Variants in MGMT observed in about 807,000 individuals in gnomAD.
The protein encoded by MGMT is O-6-methylguanine-DNA methyltransferase, also known as methylated-DNA--protein-cysteine methyltransferase.
In MGMT, 14 loss-of-function variants were observed where a neutral mutation model predicts 15.9. The observed-to-expected ratio is 0.88, with a 90% CI of 0.58 to 1.37. The LOEUF is 1.37. MGMT is among the 40% of genes most tolerant of loss of function. The probability of loss-of-function intolerance (pLI) is 0.00; values close to 1 mark genes in which losing one functional copy is unlikely to be tolerated. For missense variants in MGMT, 282 were observed against 268.1 expected (o/e 1.05, Z -0.36); for synonymous variants, 130 against 118.2 (o/e 1.10, Z -0.65).
In MGMT at chr10:129,536,304, A is replaced by T. The variant is rs1845983256; in HGVS notation, c.52A>T (p.Lys18Ter). ...KRTTLDSPLG[K>*]LELSGCEQGL... Reference sequence around the variant, plus strand: ...CACCACACTGGACAGCCCTTTGGGGAAGCTGGAGCTGTCTGGTTGTGAGCA... The same window carrying T: ...CACCACACTGGACAGCCCTTTGGGGTAGCTGGAGCTGTCTGGTTGTGAGCA... The change falls in exon 2 of 5, where the codon AAG becomes TAG. Residue 18 changes from lysine (K) to a stop codon, truncating the protein, a stop_gained. Transcript: ENST00000651593. LOFTEE classifies it high-confidence loss of function. 1 of 1,614,150 alleles carries T rather than the reference A, an allele frequency of 6.2e-7. No homozygotes were observed. The highest frequency in any genetic ancestry group is 1.3e-5 in the African/African-American group (1 of 75,028).
At chr10:129,581,294 C>G (rs989165367) in intron 2 of MGMT, among the ~76,000 whole-genome samples, 1 of 152,142 alleles carries the variant, frequency 6.6e-6, no homozygotes, top group Non-Finnish European at 1.5e-5. Context: ...GGGCTGCTTA[C>G]AGGCCCTGTC....
At chr10:129,614,126 A>G (rs1366900253) in intron 2 of MGMT, among the ~76,000 whole-genome samples, 1 of 151,494 alleles carries the variant, frequency 6.6e-6, no homozygotes, top group African/African-American at 2.4e-5. Context: ...CCTGGCACCC[A>G]CCCTTCTACT....
At chr10:129,725,468 G>A (rs1848421870) in intron 3 of MGMT, among the ~76,000 whole-genome samples, 1 of 152,240 alleles carries the variant, frequency 6.6e-6, no homozygotes, top group South Asian at 2.1e-4. Flanking sequence ...TGCTGTCATG[G>A]AACATGGAGA....
At chr10:129,680,062 T>C (rs1469903764) in intron 2 of MGMT, among the ~76,000 whole-genome samples, 2 of 152,220 alleles carry the variant, frequency 1.3e-5, no homozygotes, top group African/African-American at 2.4e-5. Flanking sequence ...AATGGTGCAA[T>C]TCAGTGGCCA....
intron 2 of MGMT, among the ~76,000 whole-genome samples, chr10:129,542,108 T>C (rs1463134694): frequency 2.0e-5 from 3 of 152,204 alleles, no homozygotes; most frequent in Non-Finnish European, 4.4e-5. Context: ...CCTCGAAACG[T>C]GCCCCATGGA....
chr10:129,542,663 C>T (rs970854731), intron 2 of MGMT, among the ~76,000 whole-genome samples: 9 of 152,112 alleles, frequency 5.9e-5, no homozygotes, highest in African/African-American at 1.9e-4. Flanking sequence ...ATAGAGTGTT[C>T]CTTAAGGAGG....
intron 1 of MGMT, among the ~76,000 whole-genome samples, chr10:129,472,976 T>C (rs902083466): frequency 6.6e-6 from 1 of 152,236 alleles, no homozygotes; most frequent in African/African-American, 2.4e-5. Flanking sequence ...GGCAGCATTC[T>C]AAAGGTTCAG....
At chr10:129,568,403 G>A (rs12412086) in intron 2 of MGMT, among the ~76,000 whole-genome samples, 34,651 of 152,170 alleles carry the variant, frequency 0.23, 4,605 homozygotes, top group Non-Finnish European at 0.3. Context: ...GCCCTGCACG[G>A]GGGCAAATGT....
intron 2 of MGMT, among the ~76,000 whole-genome samples, chr10:129,578,433 A>G (rs968262284): frequency 1.3e-5 from 2 of 152,064 alleles, no homozygotes; most frequent in African/African-American, 4.8e-5. Context: ...TATTGCAAGG[A>G]CAAAAAACCA....
chr10:129,660,704 A>G (rs143213914), intron 2 of MGMT, among the ~76,000 whole-genome samples: 2 of 151,922 alleles, frequency 1.3e-5, no homozygotes, highest in Admixed American at 6.6e-5. Flanking sequence ...CGGGGGGCCA[A>G]CCCCTCAGAA....
intron 3 of MGMT, among the ~76,000 whole-genome samples, chr10:129,734,912 C>T (rs2133165847): frequency 6.6e-6 from 1 of 152,204 alleles, no homozygotes; most frequent in South Asian, 2.1e-4. Flanking sequence ...GGATGAAGCC[C>T]ACTTGATCAT....
intron 2 of MGMT, among the ~76,000 whole-genome samples, chr10:129,663,624 A>G (rs1381928001): frequency 6.6e-6 from 1 of 152,216 alleles, no homozygotes; most frequent in African/African-American, 2.4e-5. Flanking sequence ...ACAAATATAT[A>G]AAATGAGAAT....
chr10:129,761,073 C>T (rs541213031), intron 4 of MGMT, among the ~76,000 whole-genome samples: 3 of 152,186 alleles, frequency 2.0e-5, no homozygotes, highest in Non-Finnish European at 4.4e-5. Flanking sequence ...GCTGTCTTCT[C>T]CCCGGTTGTG....
At chr10:129,586,590 G>A (rs986570321) in intron 2 of MGMT, among the ~76,000 whole-genome samples, 2 of 152,188 alleles carry the variant, frequency 1.3e-5, no homozygotes, top group Non-Finnish European at 2.9e-5. Flanking sequence ...TTTGCTGAGT[G>A]GTATTCCATT....
At chr10:129,536,210 A>T in intron 1 of MGMT, 31 bp from the exon 2 acceptor site, 2 of 1,612,718 alleles carry the variant, frequency 1.2e-6, no homozygotes, top group Non-Finnish European at 1.7e-6. Context: ...TCTTACCTAT[A>T]CACTTTGTCT....
At chr10:129,618,083 A>G (rs750704831) in intron 2 of MGMT, among the ~76,000 whole-genome samples, 33 of 152,102 alleles carry the variant, frequency 2.2e-4, no homozygotes, top group Non-Finnish European at 3.7e-4. Context: ...AGAATGCCCA[A>G]TTTGCACCAG....
chr10:129,723,278 A>G (rs930043660), intron 3 of MGMT, among the ~76,000 whole-genome samples: 5 of 152,056 alleles, frequency 3.3e-5, no homozygotes, highest in South Asian at 2.1e-4. Context: ...CCACTTCCCA[A>G]CCATTCCCCC....
chr10:129,566,849 A>G lies in MGMT; in HGVS notation c.125+30472A>G, dbSNP rs962404463. ...TGCAGGCTGGGGAGCCCCCGTGGCG[A>G]ACAGAGGCTCTAAGAGAGGGGTCTT... On this transcript the variant is annotated intron_variant, in intron 2 of 4. Coordinates refer to ENST00000651593, the MANE Select transcript of MGMT (RefSeq NM_002412.5). The surrounding 1 kb of genome is among the most constrained non-coding windows in gnomAD (Gnocchi z 4.1). Among the ~76,000 whole-genome samples, 4 of 152,118 alleles carry G rather than the reference A, an allele frequency of 2.6e-5. No individual in the cohort carries two copies. The highest frequency in any genetic ancestry group is 6.5e-5 in the Admixed American group (1 of 15,278).
chr10:129,749,798 T>C (rs533175358), intron 3 of MGMT, among the ~76,000 whole-genome samples: 3 of 152,282 alleles, frequency 2.0e-5, no homozygotes, highest in Non-Finnish European at 4.4e-5. Context: ...CTGTCACTGT[T>C]TGGATTTTTA....
Sources: gnomAD v4.1 joint callset for allele counts (sites outside exome capture counted in the v4.1 genomes callset) on GRCh38, gnomAD v4.1.1 for gene constraint, Gnocchi (gnomAD v3.1) non-coding constraint, MANE v1.5 for transcripts, NCBI Gene and HGNC (gene_info 2026-07-23, HGNC 2026-07-21) for gene names.